The following LMNTD1 variants were observed in gnomAD, a reference collection of about 807,000 sequenced individuals.
LMNTD1 encodes the protein lamin tail domain containing 1, also known as lamin tail domain-containing protein 1.
LMNTD1 carries 35 observed loss-of-function variants against 50.9 expected under a neutral mutation model. That is an observed-to-expected ratio of 0.69 (90% CI 0.53 to 0.91). The LOEUF is 0.91. LMNTD1 is among the 40% of genes least tolerant of loss of function. LMNTD1 has a pLI of 0.00. For synonymous variants in LMNTD1, 153 were observed against 161.9 expected, an observed-to-expected ratio of 0.94 and a Z score of 0.42; for missense variants, 470 against 475.5, an observed-to-expected ratio of 0.99 and a Z score of 0.11.
At chr12:25,563,433 A>G (rs1944420355) in intron 1 of LMNTD1, among the ~76,000 whole-genome samples, 2 of 152,362 alleles carry the variant, frequency 1.3e-5, no homozygotes, top group Middle Eastern at 3.4e-3. Context: ...TTGCCTGGGT[A>G]TCACCACCAG....
intron 8 of LMNTD1, among the ~76,000 whole-genome samples, chr12:25,514,566 A>C (rs1287789019): frequency 6.6e-6 from 1 of 152,034 alleles, no homozygotes; most frequent in East Asian, 1.9e-4. Context: ...ATACAAAAAA[A>C]AAAAAGAAAG....
In LMNTD1 at chr12:25,538,757, C is replaced by CAATT. The variant is rs1321012142; in HGVS notation, c.491+7613_491+7616dup. Among the ~76,000 whole-genome samples the CAATT allele has an allele frequency of 2.1e-4, 21 of 102,354 alleles. 1 individual carries two copies. The highest frequency in any genetic ancestry group is 9.7e-4 in the South Asian group (3 of 3,106). 67.1% of individuals were successfully genotyped at this position (102,354 alleles called of 152,430 possible). A position where few individuals can be genotyped will look rare whatever the true frequency, so the allele number is the denominator to read the frequency against. ...TTAAATGTAAATGGACTAAATGCCC[C>CAATT]AATTAAAAGACACAGACTGGCAAAT... On this transcript the variant is annotated intron_variant, in intron 4 of 9. Coordinates refer to ENST00000458174, the MANE Select transcript of LMNTD1 (RefSeq NM_001145728.2).
intron 1 of LMNTD1, among the ~76,000 whole-genome samples, chr12:25,614,329 A>T (rs1946308886): frequency 6.6e-6 from 1 of 152,070 alleles, no homozygotes; most frequent in East Asian, 1.9e-4. Context: ...AGTTCTCGGT[A>T]CTGAGCACAG....
intron 3 of LMNTD1, among the ~76,000 whole-genome samples, chr12:25,546,854 C>A (rs1448799076): frequency 6.6e-6 from 1 of 151,466 alleles, no homozygotes; most frequent in African/African-American, 2.4e-5. Context: ...GTACTAGAAG[C>A]ATCATCCATT....
chr12:25,642,184 A>G (rs571202910), intron 1 of LMNTD1, among the ~76,000 whole-genome samples: 1 of 152,296 alleles, frequency 6.6e-6, no homozygotes, highest in African/African-American at 2.4e-5. Flanking sequence ...GGGCCTTGAG[A>G]GAAGGAAGCT....
At chr12:25,563,167 G>T (rs1251854524) in intron 1 of LMNTD1, among the ~76,000 whole-genome samples, 2 of 152,224 alleles carry the variant, frequency 1.3e-5, no homozygotes, top group Non-Finnish European at 2.9e-5. Context: ...TCTCCATCCA[G>T]CTTTGTTCCA....
In LMNTD1 at chr12:25,595,469, C is replaced by T. The variant is rs531740251; in HGVS notation, c.59-48915G>A. 3.1e-4 allele frequency among the ~76,000 whole-genome samples: 47 copies of T among 152,190 alleles called. No individual in the cohort carries two copies. The South Asian group carries it at 3.9e-3, about 13-fold the overall frequency. Reference sequence around the variant, plus strand: ...ACACATGGAAATTAAATAATCTGTTCCTTAATGATCATTGGGTCAAAAATG... The same window carrying T: ...ACACATGGAAATTAAATAATCTGTTTCTTAATGATCATTGGGTCAAAAATG... On this transcript the variant is annotated intron_variant, in intron 1 of 7. Transcript: ENST00000445693.
At chr12:25,606,596 G>T (rs1374683765) in intron 1 of LMNTD1, among the ~76,000 whole-genome samples, 12 of 152,232 alleles carry the variant, frequency 7.9e-5, no homozygotes, top group Admixed American at 5.2e-4. Context: ...TAATCATGTG[G>T]TTTTTGTCTT....
intron 4 of LMNTD1, among the ~76,000 whole-genome samples, chr12:25,529,120 T>C (rs1188900017): frequency 6.6e-6 from 1 of 152,148 alleles, no homozygotes; most frequent in Non-Finnish European, 1.5e-5. Flanking sequence ...TTGGAAACTC[T>C]TCCCTTTGTT....
chr12:25,628,598 C>T (rs1479989637), intron 1 of LMNTD1, among the ~76,000 whole-genome samples: 1 of 152,186 alleles, frequency 6.6e-6, no homozygotes, highest in African/African-American at 2.4e-5. Flanking sequence ...ATTGGTGACT[C>T]TCCTGAATTA....
At chr12:25,569,381 A>G (rs1239381553) in intron 1 of LMNTD1, among the ~76,000 whole-genome samples, 1 of 152,224 alleles carries the variant, frequency 6.6e-6, no homozygotes, top group African/African-American at 2.4e-5. Context: ...CTGGGAAGTA[A>G]ATAACTTGTT....
At chr12:25,491,317 A>G (rs1416987921) in intron 9 of LMNTD1, among the ~76,000 whole-genome samples, 2 of 152,256 alleles carry the variant, frequency 1.3e-5, no homozygotes, top group Non-Finnish European at 2.9e-5. Flanking sequence ...GACTAACCTT[A>G]TTTAACCAAA....
intron 9 of LMNTD1, among the ~76,000 whole-genome samples, chr12:25,494,109 C>T (rs916135102): frequency 1.3e-5 from 2 of 152,174 alleles, no homozygotes; most frequent in Non-Finnish European, 2.9e-5. Flanking sequence ...AACTTGAAAA[C>T]CATTTCTTGT....
rs1420009349 is a variant in LMNTD1 at position 25,552,869 on chromosome 12, A to G, written c.89+2T>C. On this transcript the variant is annotated splice_donor_variant, in intron 2 of 9. Coordinates refer to ENST00000458174, the MANE Select transcript of LMNTD1 (RefSeq NM_001145728.2). LOFTEE classifies it high-confidence loss of function. Reference sequence around the variant, plus strand: ...GCTTCCATCGCATCTATGCATGCTCACTGTTTTTGTTTCTCATTCTTATCT... The same window carrying G: ...GCTTCCATCGCATCTATGCATGCTCGCTGTTTTTGTTTCTCATTCTTATCT... 5 of 1,516,362 alleles carry G rather than the reference A, an allele frequency of 3.3e-6. No homozygotes were observed. Among genetic ancestry groups the G allele is most frequent in the African/African-American group, 2.8e-5 (2 of 72,250 alleles). 93.9% of individuals were successfully genotyped at this position (1,516,362 alleles called of 1,614,324 possible).
intron 1 of LMNTD1, among the ~76,000 whole-genome samples, chr12:25,623,191 G>A (rs1031068688): frequency 6.6e-6 from 1 of 152,042 alleles, no homozygotes; most frequent in Non-Finnish European, 1.5e-5. Context: ...GTGTTGCTAT[G>A]TTAAAGCACA....
At position 25,518,812 on chromosome 12, in the gene LMNTD1, C is replaced by T; in HGVS notation, c.1172G>A (p.Arg391Lys). The T allele has an allele frequency of 6.2e-7, 1 of 1,614,116 alleles. No homozygotes were observed. Among genetic ancestry groups the T allele is most frequent in the Non-Finnish European group, 8.5e-7 (1 of 1,179,996 alleles). Residue 391 changes from arginine to lysine, a missense_variant, in exon 8 of 10, where the codon AGA (arginine) becomes AAA (lysine). Coordinates refer to ENST00000458174, the MANE Select transcript of LMNTD1 (RefSeq NM_001145728.2). ...LDRQPRTRST[R>K]PNRASGSKKK... ...TAACTGACCTGAGGCTCGATTAGGT[C>T]TGGTTGACCGAGTCCTGGGCTGTCT...
chr12:25,561,644 A>T (rs368161189), intron 1 of LMNTD1, among the ~76,000 whole-genome samples: 33 of 152,266 alleles, frequency 2.2e-4, no homozygotes, highest in African/African-American at 7.9e-4. Context: ...AGTTCTGTAG[A>T]TGTCTATTAG....
intron 4 of LMNTD1, among the ~76,000 whole-genome samples, chr12:25,544,452 T>C (rs1310287617): frequency 4.6e-5 from 7 of 151,846 alleles, no homozygotes; most frequent in African/African-American, 1.4e-4. Context: ...TGTATGCCTT[T>C]GTAGGTGAAG....
intron 6 of LMNTD1, among the ~76,000 whole-genome samples, chr12:25,522,238 T>G (rs1941369813): frequency 6.6e-6 from 1 of 152,178 alleles, no homozygotes; most frequent in African/African-American, 2.4e-5. Flanking sequence ...GAATCCTCCC[T>G]TTTTAGTAGC....
Sources: gnomAD v4.1 joint callset for allele counts (sites outside exome capture counted in the v4.1 genomes callset) on GRCh38, gnomAD v4.1.1 for gene constraint, MANE v1.5 for transcripts, NCBI Gene and HGNC (gene_info 2026-07-23, HGNC 2026-07-21) for gene names.